STAG1: variants seen among roughly 807,000 people sequenced by gnomAD.
STAG1 encodes the protein cohesin subunit SA-1.
In STAG1, 26 loss-of-function variants were observed where a neutral mutation model predicts 170.9. The observed-to-expected ratio is 0.15, with a 90% confidence interval of 0.11 to 0.21. STAG1 has a LOEUF of 0.21. Ranked by LOEUF, STAG1 falls within the 10% of genes least tolerant of loss-of-function variation. STAG1 has a pLI of 1.00. For synonymous variants in STAG1, 514 were observed against 497.7 expected (o/e 1.03, Z -0.44); for missense variants, 964 against 1,509.5 (o/e 0.64, Z 5.99).
intron 4 of STAG1, among the ~76,000 whole-genome samples, chr3:136,590,044 AC>A (rs1263887864): frequency 6.6e-6 from 1 of 152,094 alleles, no homozygotes; most frequent in Non-Finnish European, 1.5e-5. Flanking sequence ...AATCACTTGA[AC>A]CCAGGAGATG....
intron 4 of STAG1, among the ~76,000 whole-genome samples, chr3:136,586,197 TA>T: frequency 6.6e-6 from 1 of 152,084 alleles, no homozygotes; most frequent in Non-Finnish European, 1.5e-5. Context: ...CCATTTTTCC[TA>T]AACATTAAAT....
At chr3:136,372,175 T>C (rs1937377041) in intron 23 of STAG1, among the ~76,000 whole-genome samples, 1 of 152,206 alleles carries the variant, frequency 6.6e-6, no homozygotes, top group African/African-American at 2.4e-5. Context: ...ATAAGAATGC[T>C]TGTGATGTTT....
intron 12 of STAG1, among the ~76,000 whole-genome samples, chr3:136,469,757 A>C (rs1413275376): frequency 6.6e-6 from 1 of 152,216 alleles, no homozygotes; most frequent in Non-Finnish European, 1.5e-5. Flanking sequence ...ACAGTAACCA[A>C]AACAGCATGG....
chr3:136,551,266 A>AGAGAGAGAGC (rs1559874454), intron 5 of STAG1, among the ~76,000 whole-genome samples: 1 of 140,274 alleles, frequency 7.1e-6, no homozygotes, highest in African/African-American at 2.7e-5. Flanking sequence ...AGAGAGGGAG[A>AGAGAGAGAGC]GCGAGAGAGC....
At chr3:136,717,660 G>C in intron 1 of STAG1, among the ~76,000 whole-genome samples, 1 of 152,110 alleles carries the variant, frequency 6.6e-6, no homozygotes, top group East Asian at 1.9e-4. Context: ...GTGAAACTCT[G>C]TCTCAATAAA....
At chr3:136,521,606 T>C (rs1384868268) in intron 6 of STAG1, among the ~76,000 whole-genome samples, 189 bp from the exon 7 acceptor site, 1 of 152,172 alleles carries the variant, frequency 6.6e-6, no homozygotes, top group African/African-American at 2.4e-5. Context: ...AAGTAATTCT[T>C]AAAATACTCA....
At chr3:136,464,838 A>AAC in intron 13 of STAG1, 43 bp downstream of exon 13, 1 of 1,507,254 alleles carries the variant, frequency 6.6e-7, no homozygotes. Flanking sequence ...ACAAGAAAAC[A>AAC]ACATAGAAAA....
chr3:136,688,438 T>A (rs1163303590), intron 1 of STAG1, among the ~76,000 whole-genome samples: 1 of 152,172 alleles, frequency 6.6e-6, no homozygotes, highest in African/African-American at 2.4e-5. Context: ...CTCACTCTGT[T>A]GCCAAGGCTG....
intron 6 of STAG1, among the ~76,000 whole-genome samples, chr3:136,526,201 A>C (rs1307890435): frequency 6.6e-6 from 1 of 152,112 alleles, no homozygotes; most frequent in Non-Finnish European, 1.5e-5. Context: ...TGGGGTGTTA[A>C]AGCCTCTCAT....
At chr3:136,403,792 CA>C (rs2087404943) in intron 21 of STAG1, among the ~76,000 whole-genome samples, 1 of 152,066 alleles carries the variant, frequency 6.6e-6, no homozygotes, top group African/African-American at 2.4e-5. Context: ...AGTTTCTTGT[CA>C]GGGGTTATGA....
chr3:136,662,153 CTTT>C (rs398082483), intron 1 of STAG1, among the ~76,000 whole-genome samples: 3 of 141,142 alleles, frequency 2.1e-5, no homozygotes, highest in Admixed American at 1.4e-4. Flanking sequence ...CAGTTAGACT[CTTT>C]TTTTTTTTTT....
intron 1 of STAG1, among the ~76,000 whole-genome samples, chr3:136,708,495 G>C (rs11714098): frequency 6.6e-6 from 1 of 151,978 alleles, no homozygotes; most frequent in Admixed American, 6.6e-5. Flanking sequence ...TATTACTTAC[G>C]GATATGAGAT....
Position 136,366,989 on chromosome 3 carries a change from A to G in STAG1, c.2639T>C (p.Ile880Thr). The part of the protein sequence containing the change: ...AAFSKLIIYD[I>T]VDMHAAADIF... ...GTCTGCAGCTGCATGCATGTCAACA[A>G]TGTCATAAATGATAAGTTTGCTGAA... Residue 880 changes from isoleucine to threonine, a missense_variant, in exon 25 of 34, where the codon ATT becomes ACT. By Grantham distance (89) the Ile-to-Thr change is moderately conservative. Around this residue, in one of 11 missense-constraint regions of STAG1, gnomAD observed 149 missense variants for 301.3 expected, o/e 0.49. Transcript: ENST00000383202. 6.2e-7 allele frequency: 1 copy of G among 1,610,872 alleles called. No individual in the cohort carries two copies. The highest frequency in any genetic ancestry group is 8.5e-7 in the Non-Finnish European group (1 of 1,177,858).
chr3:136,352,599 A>G (rs1050177637), intron 28 of STAG1, among the ~76,000 whole-genome samples: 20 of 152,246 alleles, frequency 1.3e-4, no homozygotes, highest in Admixed American at 3.9e-4. Context: ...AAAGTCCCCA[A>G]CTTACAATGC....
intron 10 of STAG1, among the ~76,000 whole-genome samples, chr3:136,475,660 C>A (rs2089731079): frequency 6.6e-6 from 1 of 152,100 alleles, no homozygotes; most frequent in African/African-American, 2.4e-5. Flanking sequence ...CTTGATAGTT[C>A]CTGACGTAGG....
intron 16 of STAG1, among the ~76,000 whole-genome samples, chr3:136,425,337 C>A (rs915756770): frequency 6.6e-6 from 1 of 152,016 alleles, no homozygotes; most frequent in Non-Finnish European, 1.5e-5. Context: ...AGTATAGTAT[C>A]TTTGGTAAAA....
chr3:136,512,219 T>C (rs1576548925), intron 7 of STAG1, among the ~76,000 whole-genome samples: 1 of 146,546 alleles, frequency 6.8e-6, no homozygotes, highest in African/African-American at 2.6e-5. Flanking sequence ...GGCAGGAGGG[T>C]CAATTTAGCC....
chr3:136,728,225 T>A (rs921952564), intron 1 of STAG1, among the ~76,000 whole-genome samples: 3 of 152,018 alleles, frequency 2.0e-5, no homozygotes, highest in African/African-American at 7.2e-5. Flanking sequence ...AATAGTAAAT[T>A]GAGTCCATGA....
chr3:136,751,816 G>C (rs879727234), intron 1 of STAG1, among the ~76,000 whole-genome samples: 1 of 151,136 alleles, frequency 6.6e-6, no homozygotes. Flanking sequence ...GGCGGGGGGG[G>C]GCGGAGGGCG....
Sources: gnomAD v4.1 joint callset for allele counts (sites outside exome capture counted in the v4.1 genomes callset) on GRCh38, gnomAD v4.1.1 for gene constraint, gnomAD v4.1.1 regional missense constraint, MANE v1.5 for transcripts, NCBI Gene and HGNC (gene_info 2026-07-23, HGNC 2026-07-21) for gene names.